DCTN4: variants seen among roughly 807,000 people sequenced by gnomAD.
DCTN4 encodes the protein dynactin 4 (p62).
In DCTN4, 23 loss-of-function variants were observed where a neutral mutation model predicts 62.7. The observed-to-expected ratio is 0.37, with a 90% CI of 0.26 to 0.52. The LOEUF is 0.52. DCTN4 is among the 20% of genes least tolerant of loss of function. DCTN4 has a pLI of 0.92. For missense variants in DCTN4, 514 were observed against 580.4 expected, an observed-to-expected ratio of 0.89 and a Z score of 1.18; for synonymous variants, 199 against 202.1, an observed-to-expected ratio of 0.98 and a Z score of 0.13.
At chr5:150,728,275 TTC>T (rs1760227757) in intron 8 of DCTN4, among the ~76,000 whole-genome samples, 1 of 152,174 alleles carries the variant, frequency 6.6e-6, no homozygotes, top group African/African-American at 2.4e-5. Flanking sequence ...GAAAAAGAAT[TTC>T]ATCTTCTGAA....
At chr5:150,726,147 G>A (rs983781243) in intron 8 of DCTN4, among the ~76,000 whole-genome samples, 5 of 152,118 alleles carry the variant, frequency 3.3e-5, no homozygotes, top group Admixed American at 6.5e-5. Context: ...TGAAATGAAT[G>A]TTGTTTGAAA....
rs188339401 is a variant in DCTN4 at position 150,738,841 on chromosome 5, G to A, written c.429+3273C>T. Among the ~76,000 whole-genome samples the A allele has an allele frequency of 9.9e-5, 15 of 152,268 alleles. No homozygotes were observed. The East Asian group carries it at 2.1e-3, about 22-fold the overall frequency. ...AACTGTTGCTGTTTGCCAATGATATGATCGTATGCCTAGAAAACCCTAGAG... is the reference window on the plus strand; with the variant it reads ...AACTGTTGCTGTTTGCCAATGATATAATCGTATGCCTAGAAAACCCTAGAG... On this transcript the variant is annotated intron_variant, in intron 4 of 12. Coordinates refer to ENST00000447998, the MANE Select transcript of DCTN4 (RefSeq NM_016221.4).
chr5:150,714,087 C>T (rs1273442774), intron 12 of DCTN4, among the ~76,000 whole-genome samples: 1 of 152,126 alleles, frequency 6.6e-6, no homozygotes, highest in Non-Finnish European at 1.5e-5. Flanking sequence ...CATTGCACTC[C>T]AGCCTGGGCG....
At chr5:150,721,360 C>A (rs768846731) in intron 9 of DCTN4, among the ~76,000 whole-genome samples, 3 of 152,056 alleles carry the variant, frequency 2.0e-5, no homozygotes, top group Non-Finnish European at 4.4e-5. Context: ...TAAAACACAC[C>A]TTTGGAAATG....
chr5:150,730,914 TTTA>T (rs1446675544), intron 7 of DCTN4, 127 bp downstream of exon 7: 12 of 782,754 alleles, frequency 1.5e-5, no homozygotes, highest in Non-Finnish European at 2.1e-5. Flanking sequence ...TTACAGCTGT[TTTA>T]TTTTCTACAT....
At chr5:150,731,936 C>T (rs1760386554) in intron 5 of DCTN4, 10 of 1,550,456 alleles carry the variant, frequency 6.4e-6, no homozygotes, top group Non-Finnish European at 7.9e-6. Context: ...CAGCAGGTTG[C>T]AACAGAGACA....
At chr5:150,712,477 G>C (rs1324861688) in intron 12 of DCTN4, among the ~76,000 whole-genome samples, 1 of 152,152 alleles carries the variant, frequency 6.6e-6, no homozygotes, top group Non-Finnish European at 1.5e-5. Context: ...ACCCAGGCTG[G>C]AGAGCAGTGG....
intron 4 of DCTN4, among the ~76,000 whole-genome samples, chr5:150,738,075 G>C (rs139368147): frequency 6.6e-6 from 1 of 151,890 alleles, no homozygotes; most frequent in Non-Finnish European, 1.5e-5. Context: ...GGAAGAAATA[G>C]GAACTCTGAA....
chr5:150,739,870 C>T (rs1056529280), intron 4 of DCTN4, among the ~76,000 whole-genome samples: 6 of 151,978 alleles, frequency 3.9e-5, no homozygotes, highest in African/African-American at 1.4e-4. Context: ...TAATTGGCAA[C>T]CTAAATGTAG....
At chr5:150,718,233 AG>A in intron 11 of DCTN4, 42 bp downstream of exon 11, 1 of 1,376,028 alleles carries the variant, frequency 7.3e-7, no homozygotes, top group South Asian at 1.2e-5. Flanking sequence ...AGGACACTCC[AG>A]GGAAAGTGCG....
At chr5:150,717,554 G>A (rs528048826) in intron 11 of DCTN4, among the ~76,000 whole-genome samples, 1 of 152,288 alleles carries the variant, frequency 6.6e-6, no homozygotes, top group Non-Finnish European at 1.5e-5. Context: ...AGACTAGTTA[G>A]TGCTATGTTA....
chr5:150,728,944 T>G (rs1760253248), intron 8 of DCTN4, among the ~76,000 whole-genome samples: 1 of 151,332 alleles, frequency 6.6e-6, no homozygotes, highest in Admixed American at 6.6e-5. Flanking sequence ...GTGGTGTGAT[T>G]ACTGCTCACA....
chr5:150,742,910 T>C (rs957071119), intron 3 of DCTN4: 2 of 157,730 alleles, frequency 1.3e-5, no homozygotes, highest in African/African-American at 4.8e-5. Flanking sequence ...AGAAGACGGG[T>C]GATTTCTGCA....
intron 11 of DCTN4, among the ~76,000 whole-genome samples, chr5:150,715,929 A>T (rs1759742166): frequency 6.6e-6 from 1 of 152,038 alleles, no homozygotes; most frequent in African/African-American, 2.4e-5. Flanking sequence ...TTTGAGATGG[A>T]GTCTCACTCT....
chr5:150,727,798 CA>C (rs1431938055), intron 8 of DCTN4, among the ~76,000 whole-genome samples: 1 of 88,840 alleles, frequency 1.1e-5, no homozygotes, highest in African/African-American at 6.5e-5. Context: ...AAAAAAAAAA[CA>C]AAAAACCCAA....
At chr5:150,741,466 C>T (rs566232299) in intron 4 of DCTN4, among the ~76,000 whole-genome samples, 2 of 152,164 alleles carry the variant, frequency 1.3e-5, no homozygotes, top group Non-Finnish European at 2.9e-5. Context: ...TGAGCCACTG[C>T]GTTTGTCTCT....
intron 4 of DCTN4, among the ~76,000 whole-genome samples, chr5:150,738,574 A>C (rs1760662612): frequency 6.6e-6 from 1 of 152,204 alleles, no homozygotes; most frequent in Non-Finnish European, 1.5e-5. Flanking sequence ...ATCCTTTATG[A>C]GCAAAACCCT....
At position 150,710,914 on chromosome 5, in the gene DCTN4, AG is replaced by A. The variant is rs567475023; in HGVS notation, c.*234del. 1,945 of 540,132 alleles carry A rather than the reference AG, an allele frequency of 3.6e-3. 27 individuals are homozygous for A. The highest frequency in any genetic ancestry group is 0.034 in the African/African-American group (1,788 of 52,822). 33.5% of individuals were successfully genotyped at this position (540,132 alleles called of 1,614,324 possible). A position where few individuals can be genotyped will look rare whatever the true frequency, so the allele number is the denominator to read the frequency against. On this transcript the variant is annotated 3_prime_UTR_variant, in exon 13 of 13. Coordinates refer to ENST00000447998, the MANE Select transcript of DCTN4 (RefSeq NM_016221.4). ...ATTATGCTGCTGTTACTCAACGTGC[AG>A]GGTTCAGTGAGGGAGACACAGACTT...
intron 8 of DCTN4, among the ~76,000 whole-genome samples, chr5:150,727,380 T>A (rs1760183777): frequency 6.6e-6 from 1 of 152,186 alleles, no homozygotes; most frequent in South Asian, 2.1e-4. Flanking sequence ...TTAATATATG[T>A]ATATAAACCA....
Sources: gnomAD v4.1 joint callset for allele counts (sites outside exome capture counted in the v4.1 genomes callset) on GRCh38, gnomAD v4.1.1 for gene constraint, MANE v1.5 for transcripts, NCBI Gene and HGNC (gene_info 2026-07-23, HGNC 2026-07-21) for gene names.